GAB1: variants seen among roughly 807,000 people sequenced by gnomAD.
GAB1 encodes the protein GRB2-associated-binding protein 1.
GAB1 carries 19 observed loss-of-function variants against 66.5 expected under a neutral mutation model. The ratio of observed to expected loss-of-function variants is 0.29; its 90% confidence interval spans 0.20 to 0.42. GAB1 has a LOEUF of 0.42. Ranked by LOEUF, GAB1 falls within the 10% of genes least tolerant of loss-of-function variation. The pLI, the probability that GAB1 is intolerant of heterozygous loss-of-function variation, is 1.00. For missense variants in GAB1, 732 were observed against 858.5 expected (o/e 0.85, Z 1.84); for synonymous variants, 294 against 301.4 (o/e 0.98, Z 0.25).
At chr4:143,355,201 C>T (rs1473932366) in intron 1 of GAB1, among the ~76,000 whole-genome samples, 1 of 152,154 alleles carries the variant, frequency 6.6e-6, no homozygotes, top group Non-Finnish European at 1.5e-5. Flanking sequence ...TACCCTGAGT[C>T]CAAGGCCAGC....
chr4:143,348,330 G>C (rs1729053848), intron 1 of GAB1, among the ~76,000 whole-genome samples: 1 of 152,100 alleles, frequency 6.6e-6, no homozygotes, highest in Admixed American at 6.6e-5. Context: ...TGCTTATATA[G>C]CCCACAGCAA....
chr4:143,377,517 C>A (rs1730470629), intron 1 of GAB1, among the ~76,000 whole-genome samples: 1 of 152,138 alleles, frequency 6.6e-6, no homozygotes. Context: ...CAGAACAGAT[C>A]TTTTGGAGGA....
At chr4:143,352,385 T>G (rs1304835597) in intron 1 of GAB1, among the ~76,000 whole-genome samples, 1 of 152,198 alleles carries the variant, frequency 6.6e-6, no homozygotes, top group Admixed American at 6.5e-5. Context: ...TTCTTTCCTC[T>G]TCCATGTGTA....
At chr4:143,400,735 A>C (rs1731726345) in intron 1 of GAB1, among the ~76,000 whole-genome samples, 1 of 152,158 alleles carries the variant, frequency 6.6e-6, no homozygotes, top group African/African-American at 2.4e-5. Context: ...TGGGAGGCTG[A>C]GGCAGGCAGA....
At chr4:143,400,086 G>A (rs1437068341) in intron 1 of GAB1, among the ~76,000 whole-genome samples, 1 of 152,026 alleles carries the variant, frequency 6.6e-6, no homozygotes, top group Non-Finnish European at 1.5e-5. Flanking sequence ...GATTACGGGT[G>A]TGCACCACCA....
chr4:143,375,461 C>T (rs146857187), intron 1 of GAB1, among the ~76,000 whole-genome samples: 1 of 152,296 alleles, frequency 6.6e-6, no homozygotes, highest in African/African-American at 2.4e-5. Context: ...ATTCCATCTC[C>T]TTCACTAGAT....
intron 1 of GAB1, among the ~76,000 whole-genome samples, chr4:143,406,430 G>A (rs576492213): frequency 6.6e-6 from 1 of 152,266 alleles, no homozygotes; most frequent in African/African-American, 2.4e-5. Context: ...CTCTGCCTCC[G>A]CAAGTTCTTA....
chr4:143,461,339 A>C (rs1230508631), intron 8 of GAB1, among the ~76,000 whole-genome samples: 3 of 152,204 alleles, frequency 2.0e-5, no homozygotes, highest in Non-Finnish European at 1.5e-5. Context: ...AGAGAGAGTC[A>C]ATCCAAGGCT....
intron 2 of GAB1, among the ~76,000 whole-genome samples, chr4:143,419,763 CCCCAAATAG>C (rs1732915984): frequency 6.6e-6 from 1 of 152,014 alleles, no homozygotes; most frequent in Non-Finnish European, 1.5e-5. Context: ...CTGGTTATTT[CCCCAAATAG>C]CCACATTTAG....
chr4:143,388,571 C>T (rs1255061007), intron 1 of GAB1, among the ~76,000 whole-genome samples: 6 of 152,086 alleles, frequency 3.9e-5, no homozygotes, highest in South Asian at 4.1e-4. Flanking sequence ...TGCGTCAACA[C>T]GCCCAGCTAA....
At chr4:143,376,718 C>T (rs1487125780) in intron 1 of GAB1, 1 of 152,144 alleles carries the variant, frequency 6.6e-6, no homozygotes, top group Non-Finnish European at 1.5e-5. Flanking sequence ...AATATTAGCT[C>T]TTGTGGTTAT....
At position 143,440,275 on chromosome 4, in the gene GAB1, C is replaced by T; in HGVS notation, c.1478C>T (p.Ala493Val). 1.2e-6 allele frequency: 2 copies of T among 1,614,130 alleles called. No homozygotes were observed. The highest frequency in any genetic ancestry group is 1.7e-6 in the Non-Finnish European group (2 of 1,180,020). The change falls in exon 6 of 10, where the codon GCT becomes GTT. Residue 493 changes from alanine to valine, a missense_variant. By Grantham distance (64) the Ala-to-Val change is moderately conservative (BLOSUM62 0). Coordinates refer to ENST00000262994, the MANE Select transcript of GAB1 (RefSeq NM_002039.4). ...TTTGGAATGCAAGTTCCTCCTCCTG[C>T]TCATATGGGCTTCAGGTCCAGCCCA... ...SSFGMQVPPP[A>V]HMGFRSSPKT...
chr4:143,468,643 T>C (rs1449480739), intron 9 of GAB1, among the ~76,000 whole-genome samples: 1 of 151,802 alleles, frequency 6.6e-6, no homozygotes, highest in Non-Finnish European at 1.5e-5. Context: ...AGAGTATTCA[T>C]GGCCGGGCAT....
chr4:143,389,216 CCT>C (rs1464874078), intron 1 of GAB1, among the ~76,000 whole-genome samples: 6 of 152,204 alleles, frequency 3.9e-5, no homozygotes, highest in African/African-American at 1.2e-4. Context: ...CCTTTTCCTT[CCT>C]CTGTCTTTTT....
chr4:143,468,908 A>G (rs1735942408), intron 9 of GAB1, 123 bp from the exon 10 acceptor site: 1 of 994,260 alleles, frequency 1.0e-6, no homozygotes, highest in Admixed American at 2.7e-5. Flanking sequence ...GGGCAACAAG[A>G]GCAAAACTCC....
intron 8 of GAB1, among the ~76,000 whole-genome samples, chr4:143,461,625 G>T (rs192229146): frequency 6.6e-6 from 1 of 152,288 alleles, no homozygotes; most frequent in Admixed American, 6.5e-5. Context: ...AGAAAACATA[G>T]ACTTAGATCC....
At chr4:143,378,652 TC>T (rs1730521508) in intron 1 of GAB1, among the ~76,000 whole-genome samples, 1 of 148,598 alleles carries the variant, frequency 6.7e-6, no homozygotes, top group Non-Finnish European at 1.5e-5. Flanking sequence ...TCTCTCTCTC[TC>T]TCTCTCTCTC....
rs1191151881 is a variant in GAB1 at position 143,359,912 on chromosome 4, G to T, written c.72+22652G>T. On this transcript the variant is annotated intron_variant, in intron 1 of 9. Transcript: ENST00000262994. ...AACGCTGGGGAACCCTAACTTTGAAGATCTCAATTTGACAGCAACCTGCCT... is the reference window on the plus strand; with the variant it reads ...AACGCTGGGGAACCCTAACTTTGAATATCTCAATTTGACAGCAACCTGCCT... Among the ~76,000 whole-genome samples the T allele has an allele frequency of 3.3e-5, 5 of 152,206 alleles. No homozygotes were observed. In the East Asian group the frequency reaches 9.6e-4, roughly 29 times the overall value.
intron 6 of GAB1, among the ~76,000 whole-genome samples, chr4:143,450,309 A>G (rs1190296487): frequency 1.3e-5 from 2 of 152,094 alleles, no homozygotes; most frequent in Non-Finnish European, 1.5e-5. Context: ...CTCTTTCTTG[A>G]TTTTGGGGAT....
Sources: gnomAD v4.1 joint callset for allele counts (sites outside exome capture counted in the v4.1 genomes callset) on GRCh38, gnomAD v4.1.1 for gene constraint, MANE v1.5 for transcripts, NCBI Gene and HGNC (gene_info 2026-07-23, HGNC 2026-07-21) for gene names.